DLG1: variants seen among roughly 807,000 people sequenced by gnomAD.
The protein encoded by DLG1 is discs large MAGUK scaffold protein 1.
In DLG1, 42 loss-of-function variants were observed where a neutral mutation model predicts 123.4. That is an observed-to-expected ratio of 0.34 (90% CI 0.27 to 0.44). DLG1 has a LOEUF of 0.44. Ranked by LOEUF, DLG1 falls within the 20% of genes least tolerant of loss-of-function variation. The pLI is 1.00. For synonymous variants in DLG1, 317 were observed against 356.2 expected (o/e 0.89, Z 1.24); for missense variants, 942 against 1,082.6 (o/e 0.87, Z 1.82).
At chr3:197,045,887 A>T (rs1259025172) in intron 24 of DLG1, among the ~76,000 whole-genome samples, 1 of 151,670 alleles carries the variant, frequency 6.6e-6, no homozygotes, top group East Asian at 1.9e-4. Context: ...AAAACTGAGC[A>T]TAAAATGTCA....
intron 4 of DLG1, among the ~76,000 whole-genome samples, chr3:197,261,534 TCA>T (rs1469755083): frequency 3.3e-5 from 5 of 152,238 alleles, no homozygotes; most frequent in African/African-American, 1.2e-4. Flanking sequence ...CAAAGTTTCC[TCA>T]CAGTTTACAG....
At chr3:197,133,732 TAC>T (rs1783769998) in intron 10 of DLG1, among the ~76,000 whole-genome samples, 1 of 152,154 alleles carries the variant, frequency 6.6e-6, no homozygotes, top group Non-Finnish European at 1.5e-5. Context: ...GTTTAGAGGT[TAC>T]AGATATGAGG....
At chr3:197,181,987 T>G (rs968094494) in intron 5 of DLG1, among the ~76,000 whole-genome samples, 1 of 152,180 alleles carries the variant, frequency 6.6e-6, no homozygotes, top group African/African-American at 2.4e-5. Context: ...GGCTATAACG[T>G]AACTCTGTGG....
chr3:197,298,211 GCCCCGGGCT>G (rs1051898786), intron 1 of DLG1: 1 of 303,340 alleles, frequency 3.3e-6, no homozygotes, highest in African/African-American at 2.2e-5. Flanking sequence ...CTCGCGCCGA[GCCCCGGGCT>G]CCCCGCGCTG....
chr3:197,070,494 G>A (rs965636816), intron 18 of DLG1: 2 of 149,664 alleles, frequency 1.3e-5, no homozygotes, highest in African/African-American at 2.4e-5. Flanking sequence ...GGCCTCAAGG[G>A]ATCCTCCCAT....
chr3:197,183,566 G>A lies in DLG1; in HGVS notation c.483+10859C>T, dbSNP rs557113489. The A allele has an allele frequency of 4.1e-5, 63 of 1,548,180 alleles. No individual in the cohort carries two copies. The East Asian group carries it at 5.4e-4, about 13-fold the overall frequency. Reference sequence around the variant, plus strand: ...AGATTGAAAATAATTTCAACAAGTGGTATGTTACCTGGGTGGAGCTGGTGG... The same window carrying A: ...AGATTGAAAATAATTTCAACAAGTGATATGTTACCTGGGTGGAGCTGGTGG... On this transcript the variant is annotated intron_variant, in intron 5 of 24. Coordinates refer to ENST00000667157, the MANE Select transcript of DLG1 (RefSeq NM_001366207.1).
intron 3 of DLG1, among the ~76,000 whole-genome samples, chr3:197,283,866 T>G (rs1350210584): frequency 1.3e-5 from 2 of 148,788 alleles, no homozygotes; most frequent in Non-Finnish European, 3.0e-5. Context: ...GTTGTTTTTT[T>G]TTTTTTTTTT....
At chr3:197,061,169 G>A (rs1046416912) in intron 22 of DLG1, among the ~76,000 whole-genome samples, 3 of 151,846 alleles carry the variant, frequency 2.0e-5, no homozygotes, top group African/African-American at 7.3e-5. Context: ...CAATTTGGTG[G>A]GCACATTTAA....
chr3:197,288,787 TCTA>T (rs1773374634), intron 3 of DLG1, among the ~76,000 whole-genome samples: 1 of 122,416 alleles, frequency 8.2e-6, no homozygotes, highest in African/African-American at 3.3e-5. Flanking sequence ...ATGGTAGAAA[TCTA>T]CTGACATGGA....
At chr3:197,052,086 T>C (rs926355406) in intron 23 of DLG1, among the ~76,000 whole-genome samples, 7 of 151,938 alleles carry the variant, frequency 4.6e-5, no homozygotes, top group African/African-American at 1.7e-4. Context: ...GGTAATCTGC[T>C]CGCCTTGGCC....
chr3:197,149,350 A>C (rs1349059387), intron 6 of DLG1, among the ~76,000 whole-genome samples: 1 of 152,216 alleles, frequency 6.6e-6, no homozygotes, highest in Non-Finnish European at 1.5e-5. Flanking sequence ...ACAAAGTTAT[A>C]ACTAATTATT....
intron 5 of DLG1, among the ~76,000 whole-genome samples, chr3:197,182,974 C>T (rs1322703303): frequency 1.3e-5 from 2 of 152,024 alleles, no homozygotes; most frequent in Non-Finnish European, 2.9e-5. Context: ...TATTCCATGA[C>T]TGTGTAATTG....
chr3:197,131,137 A>G (rs1782238760), intron 10 of DLG1, among the ~76,000 whole-genome samples: 1 of 152,194 alleles, frequency 6.6e-6, no homozygotes, highest in Admixed American at 6.5e-5. Context: ...CTATATCATA[A>G]TTTATTAAAG....
chr3:197,146,197 G>C (rs1412143067), intron 6 of DLG1, among the ~76,000 whole-genome samples: 1 of 152,060 alleles, frequency 6.6e-6, no homozygotes, highest in Non-Finnish European at 1.5e-5. Flanking sequence ...TGGACAGGTA[G>C]AATCAATACT....
chr3:197,230,063 TAC>T (rs1275865179), intron 4 of DLG1, among the ~76,000 whole-genome samples: 1 of 152,206 alleles, frequency 6.6e-6, no homozygotes, highest in African/African-American at 2.4e-5. Context: ...CCAAAGTCCT[TAC>T]TATTCTTTCT....
intron 5 of DLG1, among the ~76,000 whole-genome samples, chr3:197,173,807 A>C (rs1378877390): frequency 2.0e-5 from 3 of 152,160 alleles, no homozygotes; most frequent in Non-Finnish European, 2.9e-5. Flanking sequence ...TTCCAATAAA[A>C]CTTTATTTAC....
intron 16 of DLG1, among the ~76,000 whole-genome samples, chr3:197,082,962 A>T (rs947674028): frequency 1.3e-5 from 2 of 152,242 alleles, no homozygotes; most frequent in Non-Finnish European, 1.5e-5. Context: ...AAGAACCAAG[A>T]CAATTTTTAG....
intron 4 of DLG1, among the ~76,000 whole-genome samples, chr3:197,199,155 CAT>C (rs1724259651): frequency 6.6e-6 from 1 of 152,160 alleles, no homozygotes; most frequent in Non-Finnish European, 1.5e-5. Context: ...CTGAAATTGA[CAT>C]ATCTCTAGCC....
intron 4 of DLG1, among the ~76,000 whole-genome samples, chr3:197,270,530 T>G (rs918742526): frequency 6.6e-6 from 1 of 152,094 alleles, no homozygotes; most frequent in African/African-American, 2.4e-5. Context: ...TATAGAAGAA[T>G]GCCAACTAAT....
Sources: gnomAD v4.1 joint callset for allele counts (sites outside exome capture counted in the v4.1 genomes callset) on GRCh38, gnomAD v4.1.1 for gene constraint, MANE v1.5 for transcripts, NCBI Gene and HGNC (gene_info 2026-07-23, HGNC 2026-07-21) for gene names.